The following CLIP2 variants were observed in gnomAD, a reference collection of about 807,000 sequenced individuals.
CLIP2 encodes CAP-Gly domain containing linker protein 2, also known as CAP-Gly domain-containing linker protein 2.
CLIP2 carries 41 observed loss-of-function variants against 111.7 expected under a neutral mutation model. The ratio of observed to expected loss-of-function variants is 0.37; its 90% CI spans 0.29 to 0.48. CLIP2 has a LOEUF of 0.48. Ranked by LOEUF, CLIP2 falls within the 20% of genes least tolerant of loss-of-function variation. CLIP2 has a pLI of 0.99. For synonymous variants in CLIP2, 660 were observed against 644.2 expected, an observed-to-expected ratio of 1.02 and a Z score of -0.37; for missense variants, 1,160 against 1,422.1, an observed-to-expected ratio of 0.82 and a Z score of 2.96.
At chr7:74,339,119 TC>T in intron 3 of CLIP2, 115 bp downstream of exon 3, 3 of 923,916 alleles carry the variant, frequency 3.2e-6, no homozygotes, top group Non-Finnish European at 4.8e-6. Flanking sequence ...CGAAGGGGGC[TC>T]GGACAGGGTC....
At chr7:74,347,315 C>T (rs1463030949) in intron 3 of CLIP2, among the ~76,000 whole-genome samples, 1 of 152,190 alleles carries the variant, frequency 6.6e-6, no homozygotes, top group Non-Finnish European at 1.5e-5. Flanking sequence ...GTCGCCTAGG[C>T]TGGAGTGCAG....
chr7:74,347,793 T>G (rs540963342), intron 3 of CLIP2, among the ~76,000 whole-genome samples: 1 of 152,278 alleles, frequency 6.6e-6, no homozygotes, highest in African/African-American at 2.4e-5. Context: ...TGTATAAATA[T>G]TCAGCTCTGG....
intron 10 of CLIP2, among the ~76,000 whole-genome samples, chr7:74,379,718 A>G (rs1205895018): frequency 3.3e-5 from 5 of 152,036 alleles, no homozygotes; most frequent in Non-Finnish European, 7.4e-5. Context: ...GTGAGCCGAG[A>G]TCACGCCACT....
Position 74,354,608 on chromosome 7 carries a change from C to G in CLIP2, c.803+604C>G, listed in dbSNP as rs1056500366. ...CCAGCCTGGGTGACAGAGTGAGACT[C>G]TGTCTCAAAAAAATTAGCCAGGCAT... On this transcript the variant is annotated intron_variant, in intron 4 of 16. Coordinates refer to ENST00000223398, the MANE Select transcript of CLIP2 (RefSeq NM_003388.5). Among the ~76,000 whole-genome samples the G allele has an allele frequency of 7.3e-5, 11 of 151,620 alleles. No individual in the cohort carries two copies. The East Asian group carries it at 1.7e-3, about 24-fold the overall frequency.
chr7:74,374,566 C>T (rs1554312431), intron 9 of CLIP2, among the ~76,000 whole-genome samples: 7 of 151,996 alleles, frequency 4.6e-5, no homozygotes. Context: ...ATTAAAAATA[C>T]AAAAATTAAC....
chr7:74,348,677 C>T (rs1359258390), intron 3 of CLIP2, among the ~76,000 whole-genome samples: 5 of 151,234 alleles, frequency 3.3e-5, no homozygotes, highest in African/African-American at 1.2e-4. Flanking sequence ...GTAGTCCCAG[C>T]TACTTGGGAG....
intron 11 of CLIP2, among the ~76,000 whole-genome samples, chr7:74,382,304 C>CTTT (rs36118816): frequency 2.8e-5 from 2 of 71,888 alleles, no homozygotes; most frequent in South Asian, 4.8e-4. Flanking sequence ...TGGGGCTGGT[C>CTTT]TTTTTTTTTT....
rs562490576 is a variant in CLIP2 at position 74,363,911 on chromosome 7, A to G, written c.1320-344A>G. 6.7e-4 allele frequency among the ~76,000 whole-genome samples: 98 copies of G among 147,160 alleles called. 1 individual carries two copies. Among genetic ancestry groups the G allele is most frequent in the South Asian group, 3.0e-3 (14 of 4,660 alleles). On this transcript the variant is annotated intron_variant, in intron 7 of 16. Coordinates refer to ENST00000223398, the MANE Select transcript of CLIP2 (RefSeq NM_003388.5). ...ACTCTGTCTCAAAAAAAAAAAAAAA[A>G]GGGAGGGAGGAAGGAAGGAAGGAAG...
chr7:74,380,754 TG>T, intron 10 of CLIP2, 51 bp from the exon 11 acceptor site: 1 of 1,511,302 alleles, frequency 6.6e-7, no homozygotes, highest in Non-Finnish European at 9.0e-7. Flanking sequence ...TGGCTGGGGC[TG>T]GGGCCAAGGG....
At chr7:74,375,068 A>T (rs570469221) in intron 9 of CLIP2, among the ~76,000 whole-genome samples, 2 of 152,122 alleles carry the variant, frequency 1.3e-5, no homozygotes, top group Non-Finnish European at 2.9e-5. Flanking sequence ...CAAAAAAAAA[A>T]TTTCTTAATA....
intron 13 of CLIP2, among the ~76,000 whole-genome samples, chr7:74,394,430 A>G (rs950215829): frequency 6.6e-6 from 1 of 151,740 alleles, no homozygotes; most frequent in Non-Finnish European, 1.5e-5. Context: ...TTGTATTTTT[A>G]GTATAGATAG....
intron 2 of CLIP2, among the ~76,000 whole-genome samples, chr7:74,318,768 G>T (rs1193814894): frequency 6.6e-6 from 1 of 152,130 alleles, no homozygotes; most frequent in Non-Finnish European, 1.5e-5. Flanking sequence ...ATGCTGTGAT[G>T]AACATCTTTG....
At chr7:74,326,653 T>C (rs80068327) in intron 2 of CLIP2, among the ~76,000 whole-genome samples, 1 of 152,028 alleles carries the variant, frequency 6.6e-6, no homozygotes, top group Non-Finnish European at 1.5e-5. Context: ...TTTTTTTTTT[T>C]TGAGACGGAA....
intron 4 of CLIP2, among the ~76,000 whole-genome samples, chr7:74,354,233 G>A (rs941218359): frequency 2.0e-5 from 3 of 152,114 alleles, no homozygotes; most frequent in Non-Finnish European, 2.9e-5. Flanking sequence ...GTTCAAGGTC[G>A]CACAGTCACA....
Position 74,376,545 on chromosome 7 carries a change from G to A in CLIP2, c.2144G>A (p.Arg715Gln), listed in dbSNP as rs201704222. 1.1e-5 allele frequency: 18 copies of A among 1,604,826 alleles called. No individual in the cohort carries two copies. The African/African-American group carries it at 1.7e-4, about 16-fold the overall frequency. Residue 715 changes from arginine to glutamine, a missense_variant, in exon 10 of 17, where the codon CGG becomes CAG. By Grantham distance (43) the Arg-to-Gln change is conservative. Around this residue, in one of 5 missense-constraint regions of CLIP2, gnomAD observed 676 missense variants for 777.8 expected, o/e 0.87. Coordinates refer to ENST00000223398, the MANE Select transcript of CLIP2 (RefSeq NM_003388.5). The surrounding 1 kb of genome is among the most constrained non-coding windows in gnomAD (Gnocchi z 7.1). ...CTGGAGGTGCAAGCCAGCCAGCACC[G>A]GCTGGAGCTGCAGGAGGCCCAGGAC... ...AQLEVQASQH[R>Q]LELQEAQDQR...
chr7:74,386,797 C>A (rs1208449050), intron 12 of CLIP2, among the ~76,000 whole-genome samples, 193 bp downstream of exon 12: 1 of 151,916 alleles, frequency 6.6e-6, no homozygotes, highest in Non-Finnish European at 1.5e-5. Flanking sequence ...CCGAGGCAGG[C>A]GGATCACCTG....
chr7:74,333,454 G>A (rs1281451795), intron 2 of CLIP2, among the ~76,000 whole-genome samples: 1 of 151,260 alleles, frequency 6.6e-6, no homozygotes, highest in African/African-American at 2.4e-5. Flanking sequence ...AAAGTGCTGG[G>A]ATTACAGGCA....
At chr7:74,403,794 G>C (rs1169899110) in intron 16 of CLIP2, 43 bp from the exon 17 acceptor site, 1 of 1,611,690 alleles carries the variant, frequency 6.2e-7, no homozygotes, top group Non-Finnish European at 8.5e-7. Context: ...GGCCCTCCAG[G>C]CTCTCTGAGA....
intron 8 of CLIP2, chr7:74,364,744 T>C (rs868915721): frequency 2.6e-6 from 1 of 381,068 alleles, no homozygotes; most frequent in African/African-American, 2.1e-5. Flanking sequence ...CCAAGGGAGC[T>C]GGGTATGGTG....
Sources: allele counts gnomAD v4.1 joint callset (sites outside exome capture counted in the v4.1 genomes callset), GRCh38; gene constraint gnomAD v4.1.1; regional missense constraint gnomAD v4.1.1; non-coding constraint Gnocchi (gnomAD v3.1); transcripts MANE v1.5; gene names NCBI Gene and HGNC (gene_info 2026-07-23, HGNC 2026-07-21).